Variants in DOK6 observed in about 807,000 individuals in gnomAD.
DOK6 encodes the protein docking protein 6.
DOK6 carries 22 observed loss-of-function variants against 44.0 expected under a neutral mutation model. That is an observed-to-expected ratio of 0.50 (90% CI 0.36 to 0.71). The LOEUF (loss-of-function observed/expected upper bound fraction) is 0.71. Ranked by LOEUF, DOK6 falls within the 30% of genes least tolerant of loss-of-function variation. The pLI, the probability that DOK6 is intolerant of heterozygous loss-of-function variation, is 0.00. For synonymous variants in DOK6, 166 were observed against 145.5 expected (o/e 1.14, Z -1.01); for missense variants, 340 against 416.4 (o/e 0.82, Z 1.60).
intron 5 of DOK6, among the ~76,000 whole-genome samples, chr18:69,703,227 AT>A (rs1225175155): frequency 1.3e-5 from 2 of 152,050 alleles, no homozygotes; most frequent in Non-Finnish European, 2.9e-5. Context: ...CCTGATGCAA[AT>A]TTTTTTCATG....
chr18:69,827,937 A>T (rs896746462), intron 7 of DOK6, among the ~76,000 whole-genome samples: 1 of 151,926 alleles, frequency 6.6e-6, no homozygotes, highest in Non-Finnish European at 1.5e-5. Context: ...TCGTTTTAAG[A>T]ACTATAAACT....
At chr18:69,545,994 T>G (rs901540299) in intron 1 of DOK6, among the ~76,000 whole-genome samples, 2 of 151,366 alleles carry the variant, frequency 1.3e-5, no homozygotes, top group Admixed American at 6.6e-5. Flanking sequence ...TATATAAATA[T>G]GTAAACTACG....
At chr18:69,616,819 G>T (rs11662540) in intron 3 of DOK6, among the ~76,000 whole-genome samples, 92,171 of 151,548 alleles carry the variant, frequency 0.61, 28,054 homozygotes, top group South Asian at 0.68. Context: ...CGATAATTGG[G>T]TGCCAGACTT....
chr18:69,406,666 GA>G (rs1916211914), intron 1 of DOK6, among the ~76,000 whole-genome samples: 1 of 152,216 alleles, frequency 6.6e-6, no homozygotes, highest in Admixed American at 6.5e-5. Flanking sequence ...AGTGAGCAGG[GA>G]AGTGCTACAG....
intron 3 of DOK6, among the ~76,000 whole-genome samples, chr18:69,653,782 G>C (rs1045361221): frequency 3.9e-5 from 6 of 152,274 alleles, no homozygotes; most frequent in African/African-American, 1.4e-4. Context: ...TCTGGGCAGA[G>C]ATAAACATCA....
chr18:69,513,988 T>C (rs1383636664), intron 1 of DOK6, among the ~76,000 whole-genome samples: 1 of 152,156 alleles, frequency 6.6e-6, no homozygotes, highest in Non-Finnish European at 1.5e-5. Flanking sequence ...TTTTAGCTTC[T>C]TGTCAATGCA....
intron 3 of DOK6, chr18:69,618,617 G>A (rs1984367806): frequency 6.5e-6 from 1 of 153,144 alleles, no homozygotes; most frequent in African/African-American, 2.4e-5. Flanking sequence ...CAGCAGACGA[G>A]AGAATGAGGG....
intron 3 of DOK6, among the ~76,000 whole-genome samples, chr18:69,665,658 A>G (rs1282287819): frequency 6.6e-6 from 1 of 152,214 alleles, no homozygotes; most frequent in Non-Finnish European, 1.5e-5. Context: ...AAGCTCAAGG[A>G]TGATTTATAA....
At chr18:69,711,451 C>A (rs1036404160) in intron 5 of DOK6, among the ~76,000 whole-genome samples, 5 of 152,182 alleles carry the variant, frequency 3.3e-5, no homozygotes, top group African/African-American at 1.2e-4. Context: ...CTAAATTTTA[C>A]TTTTCATGTT....
chr18:69,683,737 T>C (rs1447027611), intron 4 of DOK6, among the ~76,000 whole-genome samples: 1 of 152,262 alleles, frequency 6.6e-6, no homozygotes, highest in Non-Finnish European at 1.5e-5. Context: ...TATATTACTG[T>C]TATTTTAAGC....
At chr18:69,535,046 G>C (rs931023327) in intron 1 of DOK6, among the ~76,000 whole-genome samples, 2 of 151,972 alleles carry the variant, frequency 1.3e-5, no homozygotes, top group African/African-American at 4.8e-5. Context: ...CTGTGTCTCA[G>C]TGCACCTTCA....
In DOK6 at chr18:69,665,007, G is replaced by A. The variant is rs553825321; in HGVS notation, c.290-12727G>A. Among the ~76,000 whole-genome samples the A allele has an allele frequency of 1.1e-4, 16 of 152,008 alleles. No homozygotes were observed. The East Asian group carries it at 1.4e-3, about 13-fold the overall frequency. On this transcript the variant is annotated intron_variant, in intron 3 of 7. Transcript: ENST00000382713. The stretch of plus-strand genomic sequence containing the variant: ...GCCTGGTCAATATGGTGAAACCTCC[G>A]TCTCTACTATAAATACAAAAAAAAT...
intron 3 of DOK6, among the ~76,000 whole-genome samples, chr18:69,636,537 T>C (rs1984813539): frequency 6.6e-6 from 1 of 152,244 alleles, no homozygotes; most frequent in Non-Finnish European, 1.5e-5. Context: ...TGATTTTTGC[T>C]GCATTTAACT....
intron 1 of DOK6, among the ~76,000 whole-genome samples, chr18:69,487,420 G>A (rs1294884621): frequency 6.6e-6 from 1 of 152,100 alleles, no homozygotes; most frequent in Non-Finnish European, 1.5e-5. Flanking sequence ...GAGGACAACT[G>A]GGGCAAAATC....
At chr18:69,522,228 A>G (rs1981708159) in intron 1 of DOK6, among the ~76,000 whole-genome samples, 1 of 151,940 alleles carries the variant, frequency 6.6e-6, no homozygotes, top group Non-Finnish European at 1.5e-5. Context: ...ACACACCCAC[A>G]CACATACACA....
At position 69,461,779 on chromosome 18, in the gene DOK6, T is replaced by C. The variant is rs533622161; in HGVS notation, c.66+60469T>C. 2.6e-5 allele frequency among the ~76,000 whole-genome samples: 4 copies of C among 152,328 alleles called. No individual in the cohort carries two copies. The South Asian group carries it at 8.3e-4, about 32-fold the overall frequency. On this transcript the variant is annotated intron_variant, in intron 1 of 7. Transcript: ENST00000382713. ...AAGTGACTTCATATGTCTTTGTGTA[T>C]GTGTACATGTGTCTTAAGAATTTGA...
chr18:69,464,924 A>G (rs905767000), intron 1 of DOK6, among the ~76,000 whole-genome samples: 3 of 152,202 alleles, frequency 2.0e-5, no homozygotes, highest in African/African-American at 7.2e-5. Flanking sequence ...AATCCTCTTT[A>G]AATGTAATCC....
At chr18:69,732,456 G>T (rs67263189) in intron 5 of DOK6, among the ~76,000 whole-genome samples, 15,260 of 151,956 alleles carry the variant, frequency 0.1, 772 homozygotes, top group Middle Eastern at 0.16. Flanking sequence ...GGGTTTTTTT[G>T]ATTCTGAATT....
intron 6 of DOK6, among the ~76,000 whole-genome samples, chr18:69,747,811 T>A (rs2144745607): frequency 6.6e-6 from 1 of 152,278 alleles, no homozygotes; most frequent in East Asian, 1.9e-4. Flanking sequence ...CATAGTTACT[T>A]GAAGCTTCCT....
Sources: allele counts gnomAD v4.1 joint callset (sites outside exome capture counted in the v4.1 genomes callset), GRCh38; gene constraint gnomAD v4.1.1; transcripts MANE v1.5; gene names NCBI Gene and HGNC (gene_info 2026-07-23, HGNC 2026-07-21).